LSAMP: variants seen among roughly 807,000 people sequenced by gnomAD.
LSAMP encodes the protein limbic system associated membrane protein.
LSAMP carries 7 observed loss-of-function variants against 38.6 expected under a neutral mutation model. The observed-to-expected ratio is 0.18, with a 90% CI of 0.10 to 0.34. The LOEUF is 0.34. LSAMP is among the 10% of genes least tolerant of loss of function. The probability of loss-of-function intolerance (pLI) is 1.00; values close to 1 mark genes in which losing one functional copy is unlikely to be tolerated. For missense variants in LSAMP, 313 were observed against 420.0 expected (o/e 0.75, Z 2.23); for synonymous variants, 154 against 166.8 (o/e 0.92, Z 0.59).
intron 6 of LSAMP, among the ~76,000 whole-genome samples, chr3:115,812,418 G>A (rs565260840): frequency 1.3e-5 from 2 of 152,232 alleles, no homozygotes; most frequent in South Asian, 4.1e-4. Context: ...TTGTTGACCA[G>A]GTGCTTAAAT....
chr3:115,938,320 A>G (rs1451544233), intron 3 of LSAMP, among the ~76,000 whole-genome samples: 2 of 152,194 alleles, frequency 1.3e-5, no homozygotes, highest in African/African-American at 2.4e-5. Flanking sequence ...CCTACATTGA[A>G]ATAATGAAAT....
At chr3:115,854,639 CA>C (rs752525016) in intron 3 of LSAMP, among the ~76,000 whole-genome samples, 2 of 152,076 alleles carry the variant, frequency 1.3e-5, no homozygotes, top group Non-Finnish European at 2.9e-5. Flanking sequence ...GAGAAGAAAA[CA>C]GTAATCTCAG....
intron 3 of LSAMP, among the ~76,000 whole-genome samples, chr3:115,945,790 C>T (rs1394616719): frequency 6.6e-6 from 1 of 152,154 alleles, no homozygotes; most frequent in East Asian, 1.9e-4. Context: ...CACTAGAACT[C>T]TGCTCAACTA....
At chr3:115,946,670 G>A (rs1938108058) in intron 3 of LSAMP, among the ~76,000 whole-genome samples, 2 of 151,988 alleles carry the variant, frequency 1.3e-5, no homozygotes, top group African/African-American at 4.8e-5. Flanking sequence ...TAAACTGCAA[G>A]CCCTTCGTTG....
intron 1 of LSAMP, among the ~76,000 whole-genome samples, chr3:116,209,668 A>G (rs925988737): frequency 3.3e-5 from 5 of 152,170 alleles, no homozygotes; most frequent in Non-Finnish European, 5.9e-5. Context: ...GCAAACAGTG[A>G]TCAATGACTT....
At chr3:116,274,453 CA>C (rs559281649) in intron 1 of LSAMP, among the ~76,000 whole-genome samples, 8 of 152,194 alleles carry the variant, frequency 5.3e-5, no homozygotes, top group Non-Finnish European at 7.4e-5. Flanking sequence ...ATTTTTCATT[CA>C]TTTTTTTCTT....
intron 1 of LSAMP, among the ~76,000 whole-genome samples, chr3:116,113,422 T>TATATATATATATATATATA (rs1708667433): frequency 2.3e-5 from 1 of 44,270 alleles, no homozygotes; most frequent in African/African-American, 7.5e-5. Flanking sequence ...ATATATATAT[T>TATATATATATATATATATA]TTTTTTTTTT....
intron 1 of LSAMP, among the ~76,000 whole-genome samples, chr3:116,403,180 C>A (rs2048859740): frequency 6.6e-6 from 1 of 152,162 alleles, no homozygotes; most frequent in African/African-American, 2.4e-5. Context: ...CACAGTTATG[C>A]TGGAACAAGA....
intron 1 of LSAMP, among the ~76,000 whole-genome samples, chr3:116,206,740 C>G (rs1364080134): frequency 3.3e-5 from 5 of 151,830 alleles, no homozygotes; most frequent in African/African-American, 7.3e-5. Context: ...ATTCTGAGTT[C>G]TAGTTTGATT....
chr3:115,846,138 T>C (rs1050120473), intron 4 of LSAMP, among the ~76,000 whole-genome samples: 1 of 152,214 alleles, frequency 6.6e-6, no homozygotes, highest in African/African-American at 2.4e-5. Flanking sequence ...ATGCTTTGTG[T>C]AGTTAAAATA....
chr3:116,234,713 T>C (rs557529946), intron 1 of LSAMP, among the ~76,000 whole-genome samples: 6 of 152,288 alleles, frequency 3.9e-5, no homozygotes, highest in African/African-American at 1.4e-4. Context: ...TATTTGAATA[T>C]TTAATTCTCT....
chr3:116,166,297 T>C (rs1710048378), intron 1 of LSAMP, among the ~76,000 whole-genome samples: 1 of 152,226 alleles, frequency 6.6e-6, no homozygotes. Context: ...CTAAGATATT[T>C]AGTCCTTACA....
intron 3 of LSAMP, among the ~76,000 whole-genome samples, chr3:115,993,236 G>A (rs1459800847): frequency 1.3e-5 from 2 of 151,986 alleles, no homozygotes; most frequent in Non-Finnish European, 2.9e-5. Flanking sequence ...GTGGCAGTTT[G>A]GATATGTTAA....
chr3:116,303,055 T>C (rs984437695), intron 1 of LSAMP, among the ~76,000 whole-genome samples: 1 of 152,200 alleles, frequency 6.6e-6, no homozygotes, highest in Non-Finnish European at 1.5e-5. Context: ...AATTAATTTT[T>C]TTTTGAACTA....
At chr3:116,292,921 A>G (rs1190995625) in intron 1 of LSAMP, among the ~76,000 whole-genome samples, 2 of 152,198 alleles carry the variant, frequency 1.3e-5, no homozygotes, top group African/African-American at 4.8e-5. Context: ...TTTTTAGTCC[A>G]TATCCTGTGG....
At chr3:116,260,220 T>C (rs1260384852) in intron 1 of LSAMP, among the ~76,000 whole-genome samples, 2 of 152,206 alleles carry the variant, frequency 1.3e-5, no homozygotes, top group East Asian at 3.9e-4. Flanking sequence ...TAAATTTAAC[T>C]TTCCAAAGGG....
At chr3:115,852,026 G>C (rs984746808) in intron 4 of LSAMP, among the ~76,000 whole-genome samples, 3 of 152,166 alleles carry the variant, frequency 2.0e-5, no homozygotes, top group Non-Finnish European at 4.4e-5. Flanking sequence ...GACCAGAGTG[G>C]CTCTAATTTG....
At chr3:116,069,825 T>A (rs751617179) in intron 2 of LSAMP, among the ~76,000 whole-genome samples, 3 of 152,116 alleles carry the variant, frequency 2.0e-5, no homozygotes, top group Non-Finnish European at 2.9e-5. Flanking sequence ...GAAATGCTTA[T>A]AAGGTATTTC....
At chr3:116,363,784 A>C (rs2048318594) in intron 1 of LSAMP, among the ~76,000 whole-genome samples, 1 of 150,248 alleles carries the variant, frequency 6.7e-6, no homozygotes, top group South Asian at 2.1e-4. Context: ...CAATAGATGC[A>C]GAAAAGGCCT....
Sources: gnomAD v4.1 joint callset for allele counts (sites outside exome capture counted in the v4.1 genomes callset) on GRCh38, gnomAD v4.1.1 for gene constraint, MANE v1.5 for transcripts, NCBI Gene and HGNC (gene_info 2026-07-23, HGNC 2026-07-21) for gene names.